The following ST3GAL3 variants were observed in gnomAD, a reference collection of about 807,000 sequenced individuals.
ST3GAL3 encodes the protein CMP-N-acetylneuraminate-beta-1,4-galactoside alpha-2,3-sialyltransferase.
Under a neutral mutation model 50.1 loss-of-function variants are expected in ST3GAL3, and 21 were observed. The ratio of observed to expected loss-of-function variants is 0.42; its 90% confidence interval spans 0.30 to 0.60. The LOEUF is 0.60. ST3GAL3 is among the 20% of genes least tolerant of loss of function. The pLI is 0.19. For missense variants in ST3GAL3, 353 were observed against 489.4 expected (o/e 0.72, Z 2.63); for synonymous variants, 183 against 190.0 (o/e 0.96, Z 0.30).
chr1:43,855,364 CT>C (rs1569698425), intron 5 of ST3GAL3, among the ~76,000 whole-genome samples: 2 of 152,226 alleles, frequency 1.3e-5, no homozygotes, highest in East Asian at 3.8e-4. Context: ...GATCCCATCA[CT>C]TTGGCCGGCC....
At chr1:43,771,730 T>TTGTGTGTG (rs143955404) in intron 2 of ST3GAL3, among the ~76,000 whole-genome samples, 119 of 145,116 alleles carry the variant, frequency 8.2e-4, no homozygotes, top group African/African-American at 2.5e-3. Context: ...TTTAATAAAG[T>TTGTGTGTG]TGTGTGTGTG....
rs1170641209 is a variant in ST3GAL3, at chr1:43,919,069, C to CTTTTTTTTTTTTTTTTTTTTTTTT, written c.745-1332_745-1309dup. 6 of 60,318 alleles carry CTTTTTTTTTTTTTTTTTTTTTTTT rather than the reference C, an allele frequency of 9.9e-5. 2 individuals carry two copies. The highest frequency in any genetic ancestry group is 5.8e-4 in the Admixed American group (2 of 3,428). 3.7% of individuals were successfully genotyped at this position (60,318 alleles called of 1,614,324 possible). On this transcript the variant is annotated intron_variant, in intron 9 of 11. Transcript: ENST00000347631. ...TTTCTTTTCTTTCCTTTCTTTGTTT[C>CTTTTTTTTTTTTTTTTTTTTTTTT]TTTTTTTTTTTTTTTTTTTTTTTTT... is the stretch of plus-strand genomic sequence containing the variant.
At chr1:43,801,622 A>C in intron 3 of ST3GAL3, 1 of 235,172 alleles carries the variant, frequency 4.3e-6, no homozygotes, top group Non-Finnish European at 8.6e-6. Flanking sequence ...GCATTGTGAA[A>C]ACATTTGTGA....
chr1:43,855,589 G>A (rs138425188), intron 5 of ST3GAL3, among the ~76,000 whole-genome samples: 3,565 of 149,794 alleles, frequency 0.024, 47 homozygotes, highest in Middle Eastern at 0.048. Flanking sequence ...CAGCCTGAGC[G>A]ACAGAGCAAG....
intron 3 of ST3GAL3, among the ~76,000 whole-genome samples, chr1:43,814,525 T>C (rs1339268701): frequency 6.6e-6 from 1 of 152,204 alleles, no homozygotes; most frequent in Non-Finnish European, 1.5e-5. Context: ...GCAAATGCTG[T>C]GTTTAGAGCT....
chr1:43,719,934 GAAAAAAAAAAAAA>G (rs148364295), intron 1 of ST3GAL3, among the ~76,000 whole-genome samples: 35 of 41,732 alleles, frequency 8.4e-4, no homozygotes, highest in Admixed American at 6.5e-3. Flanking sequence ...CTCTGTCTCA[GAAAAAAAAAAAAA>G]AAAAAAAAAA....
chr1:43,910,085 A>G (rs2080532576), intron 9 of ST3GAL3, among the ~76,000 whole-genome samples: 1 of 152,244 alleles, frequency 6.6e-6, no homozygotes, highest in African/African-American at 2.4e-5. Context: ...ACCGAGAGCC[A>G]TCACCCAGAG....
chr1:43,820,121 T>A (rs2061904458), intron 4 of ST3GAL3, among the ~76,000 whole-genome samples: 1 of 151,952 alleles, frequency 6.6e-6, no homozygotes, highest in South Asian at 2.1e-4. Flanking sequence ...CATAGACCAA[T>A]GGAACATAAT....
chr1:43,888,434 C>G (rs969370635), intron 5 of ST3GAL3, among the ~76,000 whole-genome samples: 6 of 151,690 alleles, frequency 4.0e-5, no homozygotes, highest in Non-Finnish European at 5.9e-5. Context: ...AAATAAAAAT[C>G]TTTTGCAAAA....
chr1:43,920,273 C>T (rs1458963881), intron 9 of ST3GAL3, 131 bp from the exon 10 acceptor site: 2 of 1,101,830 alleles, frequency 1.8e-6, no homozygotes, highest in South Asian at 1.3e-5. Context: ...CTTCCTACAC[C>T]ACAGGCCCTG....
At chr1:43,824,795 C>T in intron 4 of ST3GAL3, 1 of 1,518,288 alleles carries the variant, frequency 6.6e-7, no homozygotes, top group Non-Finnish European at 9.2e-7. Context: ...ACCTGGAGAG[C>T]CTAAAAAATT....
Position 43,899,097 on chromosome 1 carries a change from G to A in ST3GAL3, c.462-71G>A. ...TCCTGGACAAGGGCGTGGGGTCAAGGGCCAAAGGAGCAGGGAAAGAGACCT... is the reference window on the plus strand; with the variant it reads ...TCCTGGACAAGGGCGTGGGGTCAAGAGCCAAAGGAGCAGGGAAAGAGACCT... On this transcript the variant is annotated intron_variant, in intron 7 of 11. Transcript: ENST00000347631. This position sits in a 1 kb window ranked among gnomAD's most constrained non-coding sequence, Gnocchi z 5.4. 6.2e-7 allele frequency: 1 copy of A among 1,608,538 alleles called. No homozygotes were observed. The highest frequency in any genetic ancestry group is 1.1e-5 in the South Asian group (1 of 90,716).
intron 5 of ST3GAL3, among the ~76,000 whole-genome samples, chr1:43,887,900 A>G (rs978777180): frequency 6.6e-6 from 1 of 151,828 alleles, no homozygotes; most frequent in Non-Finnish European, 1.5e-5. Flanking sequence ...CCTTGTTCCC[A>G]CCTTGAAACC....
Position 43,918,119 on chromosome 1 carries a change from C to CTCTTT in ST3GAL3, c.745-2284_745-2283insCTTTT, listed in dbSNP as rs56052310. On this transcript the variant is annotated intron_variant, in intron 9 of 11. Transcript: ENST00000347631. ...TAGACATCTAAATTTTTTTCTTTCT[C>CTCTTT]TTTTTTTTTTTTTTTAAGAGAGGGT... Among the ~76,000 whole-genome samples the CTCTTT allele has an allele frequency of 5.8e-4, 77 of 133,880 alleles. 18 individuals are homozygous for CTCTTT. The highest frequency in any genetic ancestry group is 7.2e-4 in the Non-Finnish European group (47 of 65,134). The allele number at this position is 133,880 out of a possible 152,430, so 87.8% of individuals were successfully genotyped here.
In ST3GAL3 at chr1:43,886,997, AG is replaced by A. The variant is rs1288288066; in HGVS notation, c.303-7384del. Among the ~76,000 whole-genome samples, 4 of 152,336 alleles carry A rather than the reference AG, an allele frequency of 2.6e-5. No homozygotes were observed. In the South Asian group the frequency reaches 6.2e-4, roughly 24 times the overall value. On this transcript the variant is annotated intron_variant, in intron 5 of 11. Transcript: ENST00000347631. ...GGGTAAGGAGGCCAAATTTAAGAAT[AG>A]GTAAAGGGGCTGATAGATTTGTGGG...
chr1:43,907,297 C>T (rs2079956355), intron 9 of ST3GAL3, among the ~76,000 whole-genome samples: 1 of 152,236 alleles, frequency 6.6e-6, no homozygotes, highest in South Asian at 2.1e-4. Context: ...AGCACAGTCT[C>T]ACTCACTCGA....
intron 9 of ST3GAL3, among the ~76,000 whole-genome samples, chr1:43,907,228 A>G (rs2079940322): frequency 6.6e-6 from 1 of 152,194 alleles, no homozygotes; most frequent in Non-Finnish European, 1.5e-5. Context: ...CCTCCCATTT[A>G]TTCATTGATT....
At chr1:43,888,167 G>A (rs1357176658) in intron 5 of ST3GAL3, among the ~76,000 whole-genome samples, 2 of 152,122 alleles carry the variant, frequency 1.3e-5, no homozygotes, top group Non-Finnish European at 2.9e-5. Flanking sequence ...GATAAAATTG[G>A]ATCTGGTCTT....
intron 9 of ST3GAL3, among the ~76,000 whole-genome samples, chr1:43,907,924 CT>C (rs1179625734): frequency 6.6e-6 from 1 of 152,208 alleles, no homozygotes; most frequent in African/African-American, 2.4e-5. Context: ...CCGTCTGTTT[CT>C]CAGCCTCTCC....
Sources: gnomAD v4.1 joint callset for allele counts (sites outside exome capture counted in the v4.1 genomes callset) on GRCh38, gnomAD v4.1.1 for gene constraint, Gnocchi (gnomAD v3.1) non-coding constraint, MANE v1.5 for transcripts, NCBI Gene and HGNC (gene_info 2026-07-23, HGNC 2026-07-21) for gene names.